SCN10A: variants seen among roughly 807,000 people sequenced by gnomAD.
The protein encoded by SCN10A is sodium channel protein type 10 subunit alpha.
Under a neutral mutation model 170.7 loss-of-function variants are expected in SCN10A, and 162 were observed. The observed-to-expected ratio is 0.95, with a 90% CI of 0.84 to 1.08. SCN10A has a LOEUF of 1.08. Among genes scored for constraint, SCN10A ranks in the 50% least tolerant of loss-of-function variants. The pLI, the probability that SCN10A is intolerant of heterozygous loss-of-function variation, is 0.00. For missense variants in SCN10A, 2,527 were observed against 2,436.9 expected (o/e 1.04, Z -0.78); for synonymous variants, 985 against 904.6 (o/e 1.09, Z -1.59).
chr3:38,707,713 C>T (rs986909427), intron 25 of SCN10A, among the ~76,000 whole-genome samples: 3 of 152,178 alleles, frequency 2.0e-5, no homozygotes, highest in African/African-American at 7.2e-5. Context: ...TGGATCTAGC[C>T]TGTTCATTCC....
chr3:38,792,007 G>T (rs756041910), intron 3 of SCN10A, 43 bp downstream of exon 3: 1 of 1,608,880 alleles, frequency 6.2e-7, no homozygotes, highest in Non-Finnish European at 8.5e-7. Context: ...AGTAGGCAAG[G>T]TCTAATTGTA....
At chr3:38,737,310 A>G (rs1055358658) in intron 15 of SCN10A, among the ~76,000 whole-genome samples, 2 of 151,986 alleles carry the variant, frequency 1.3e-5, no homozygotes, top group South Asian at 4.1e-4. Context: ...CTGCCAGGGT[A>G]TGGGGGTGTG....
chr3:38,814,271 CAG>C (rs2126067619), intron 1 of SCN10A, among the ~76,000 whole-genome samples: 1 of 152,176 alleles, frequency 6.6e-6, no homozygotes, highest in South Asian at 2.1e-4. Context: ...TAAGAGGGGG[CAG>C]GGACAGTGTT....
chr3:38,732,237 G>A (rs1396415285), intron 15 of SCN10A, among the ~76,000 whole-genome samples: 1 of 152,186 alleles, frequency 6.6e-6, no homozygotes, highest in East Asian at 1.9e-4. Context: ...GGTCATGTTA[G>A]TGGGTTCTGT....
chr3:38,767,223 TA>T (rs1559453873), intron 5 of SCN10A, among the ~76,000 whole-genome samples: 2 of 151,864 alleles, frequency 1.3e-5, no homozygotes, highest in Non-Finnish European at 2.9e-5. Context: ...TTATTATTTT[TA>T]TTTGAATTTC....
Position 38,755,860 on chromosome 3 carries a change from C to A in SCN10A, c.1389G>T (p.Lys463Asn), listed in dbSNP as rs201575317. Residue 463 changes from lysine (K) to asparagine (N), a missense_variant, in exon 11 of 28, where the codon AAG becomes AAT. Lys to Asn is a moderately conservative substitution (Grantham distance 94). Transcript: ENST00000449082. ...KNASERRHRI[K>N]PRVSEGSTED... ...CTGTGGAGCCCTCTGACACTCTTGG[C>A]TTTATTCTATGCCTTCTCTCACTGG... The A allele has an allele frequency of 7.6e-5, 123 of 1,614,074 alleles. No individual in the cohort carries two copies. The highest frequency in any genetic ancestry group is 3.4e-6 in the Non-Finnish European group (4 of 1,180,036).
At chr3:38,709,308 A>G (rs1201503666) in intron 25 of SCN10A, among the ~76,000 whole-genome samples, 170 bp downstream of exon 25, 1 of 152,156 alleles carries the variant, frequency 6.6e-6, no homozygotes, top group Non-Finnish European at 1.5e-5. Context: ...GACAGAGAGA[A>G]ATGCAACTCT....
At chr3:38,724,311 T>C (rs994359228) in intron 18 of SCN10A, among the ~76,000 whole-genome samples, 2 of 152,204 alleles carry the variant, frequency 1.3e-5, no homozygotes, top group African/African-American at 2.4e-5. Flanking sequence ...AATTATGACT[T>C]CCTTATCTCT....
At position 38,790,159 on chromosome 3, in the gene SCN10A, CTAAAATCGT is replaced by C. The variant is rs2064262770; in HGVS notation, c.390-1132_390-1124del. 2.0e-5 allele frequency among the ~76,000 whole-genome samples: 3 copies of C among 151,978 alleles called. No individual in the cohort carries two copies. The East Asian group carries it at 5.8e-4, about 29-fold the overall frequency. On this transcript the variant is annotated intron_variant, in intron 3 of 27. Transcript: ENST00000449082. Reference sequence around the variant, plus strand: ...GGGAAATGTTAATCCAAGGATTAAACTAAAATCGTGTCTCCAATTCTACAAATATTTAAA... The same window carrying C: ...GGGAAATGTTAATCCAAGGATTAAACGTCTCCAATTCTACAAATATTTAAA...
At chr3:38,806,284 C>A (rs1054423879) in intron 1 of SCN10A, among the ~76,000 whole-genome samples, 11 of 152,154 alleles carry the variant, frequency 7.2e-5, no homozygotes, top group African/African-American at 2.4e-4. Flanking sequence ...ATCTTAACTT[C>A]TCCTGAGTCT....
intron 15 of SCN10A, among the ~76,000 whole-genome samples, chr3:38,729,860 G>T (rs1270206547): frequency 6.6e-6 from 1 of 152,160 alleles, no homozygotes; most frequent in South Asian, 2.1e-4. Context: ...ACCCATATCC[G>T]TGAGTAAATC....
Position 38,697,131 on chromosome 3 carries a change from G to A in SCN10A, c.*218C>T. The A allele has an allele frequency of 1.6e-6, 1 of 608,716 alleles. No individual in the cohort carries two copies. The highest frequency in any genetic ancestry group is 2.8e-6 in the Non-Finnish European group (1 of 358,800). 37.7% of individuals were successfully genotyped at this position (608,716 alleles called of 1,614,324 possible). ...TGATCTGATATTGAAATTCAGAAGGGAAATCACAGTGGAAGTGCTCTTAGC... is the reference window on the plus strand; with the variant it reads ...TGATCTGATATTGAAATTCAGAAGGAAAATCACAGTGGAAGTGCTCTTAGC... On this transcript the variant is annotated 3_prime_UTR_variant, in exon 28 of 28. Transcript: ENST00000449082.
At chr3:38,798,936 G>A (rs1184117295) in intron 1 of SCN10A, among the ~76,000 whole-genome samples, 1 of 151,782 alleles carries the variant, frequency 6.6e-6, no homozygotes, top group Non-Finnish European at 1.5e-5. Flanking sequence ...CTACAGGTAT[G>A]TGCCACCACG....
At chr3:38,737,344 T>G (rs2063576361) in intron 15 of SCN10A, among the ~76,000 whole-genome samples, 1 of 152,188 alleles carries the variant, frequency 6.6e-6, no homozygotes, top group African/African-American at 2.4e-5. Flanking sequence ...TCTTGACGAT[T>G]GTGCATAGGT....
At chr3:38,722,237 A>G in intron 20 of SCN10A, 21 bp downstream of exon 20, 2 of 1,607,904 alleles carry the variant, frequency 1.2e-6, no homozygotes, top group Non-Finnish European at 8.5e-7. Flanking sequence ...ATTTGGGGGC[A>G]GGGACTATGC....
chr3:38,800,164 A>C (rs540992904), intron 1 of SCN10A, among the ~76,000 whole-genome samples: 3 of 152,118 alleles, frequency 2.0e-5, no homozygotes, highest in Non-Finnish European at 4.4e-5. Flanking sequence ...AGCTCCTACA[A>C]CAGACATTGA....
Position 38,714,028 on chromosome 3 carries a change from G to A in SCN10A, c.3734C>T (p.Pro1245Leu). Residue 1245 changes from proline to leucine, a missense_variant, in exon 22 of 28, where the codon CCC (proline) becomes CTC (leucine). Pro to Leu is a moderately conservative substitution (Grantham distance 98). Coordinates refer to ENST00000449082, the MANE Select transcript of SCN10A (RefSeq NM_006514.4). ...GCGAAGGGTTCGAAGGGCTTTGATG[G>A]GAGCCACTTCAGAATATTCCAGAAT... Reference protein sequence around the residue: ...AKILEYSEVAPIKALRTLRAL... With the variant: ...AKILEYSEVALIKALRTLRAL... The A allele has an allele frequency of 1.2e-6, 2 of 1,614,156 alleles. No homozygotes were observed. The highest frequency in any genetic ancestry group is 2.2e-5 in the South Asian group (2 of 91,082).
chr3:38,756,032 G>T lies in SCN10A; in HGVS notation c.1291-74C>A. ...AGCATGAATGTGTCCCCCAGACATGGGGTGCCAGGGGTGAGAGATCTGAAA... is the reference window on the plus strand; with the variant it reads ...AGCATGAATGTGTCCCCCAGACATGTGGTGCCAGGGGTGAGAGATCTGAAA... On this transcript the variant is annotated intron_variant, in intron 10 of 27. Coordinates refer to ENST00000449082, the MANE Select transcript of SCN10A (RefSeq NM_006514.4). 4 of 1,503,672 alleles carry T rather than the reference G, an allele frequency of 2.7e-6. No homozygotes were observed. In the South Asian group the frequency reaches 3.4e-5, roughly 13 times the overall value. The allele number at this position is 1,503,672 out of a possible 1,614,324, so 93.1% of individuals were successfully genotyped here.
intron 15 of SCN10A, among the ~76,000 whole-genome samples, chr3:38,737,106 G>C (rs1304659752): frequency 6.7e-6 from 1 of 149,426 alleles, no homozygotes; most frequent in Non-Finnish European, 1.5e-5. Flanking sequence ...GAGTAGCTGG[G>C]ACTACAGGCG....
Sources: allele counts gnomAD v4.1 joint callset (sites outside exome capture counted in the v4.1 genomes callset), GRCh38; gene constraint gnomAD v4.1.1; transcripts MANE v1.5; gene names NCBI Gene and HGNC (gene_info 2026-07-23, HGNC 2026-07-21).